The following MALRD1 variants were observed in gnomAD, a reference collection of about 807,000 sequenced individuals.
MALRD1 encodes the protein MAM and LDL receptor class A domain containing 1.
In MALRD1, 247 loss-of-function variants were observed where a neutral mutation model predicts 242.1. That is an observed-to-expected ratio of 1.02 (90% CI 0.92 to 1.13). The LOEUF (loss-of-function observed/expected upper bound fraction) is 1.13, where lower values mean the gene tolerates loss of function less well. MALRD1 is among the 50% of genes most tolerant of loss of function. MALRD1 has a pLI of 0.00. For synonymous variants in MALRD1, 995 were observed against 866.6 expected (o/e 1.15, Z -2.60); for missense variants, 2,989 against 2,533.1 (o/e 1.18, Z -3.86).
intron 29 of MALRD1, among the ~76,000 whole-genome samples, chr10:19,462,267 A>G (rs375042883): frequency 6.6e-6 from 1 of 152,214 alleles, no homozygotes; most frequent in East Asian, 1.9e-4. Context: ...AAGCCGTCAC[A>G]CTCAGAGCCA....
chr10:19,292,109 T>C (rs940690521), intron 21 of MALRD1, among the ~76,000 whole-genome samples: 4 of 148,032 alleles, frequency 2.7e-5, no homozygotes, highest in Admixed American at 2.1e-4. Flanking sequence ...AAAATCAAAT[T>C]TGTGTGTCCT....
chr10:19,063,451 C>A (rs1834881347), intron 1 of MALRD1, among the ~76,000 whole-genome samples: 1 of 152,114 alleles, frequency 6.6e-6, no homozygotes, highest in African/African-American at 2.4e-5. Context: ...AGTTTCTTCA[C>A]CATTACTACA....
intron 14 of MALRD1, among the ~76,000 whole-genome samples, chr10:19,195,140 C>A (rs1439661979): frequency 6.6e-6 from 1 of 152,150 alleles, no homozygotes; most frequent in Admixed American, 6.6e-5. Flanking sequence ...AAGCAGCGTA[C>A]ATAGTGTTCA....
intron 21 of MALRD1, among the ~76,000 whole-genome samples, chr10:19,318,598 A>T (rs1588902489): frequency 6.6e-6 from 1 of 151,390 alleles, no homozygotes; most frequent in East Asian, 2.0e-4. Flanking sequence ...ATATGCTTTT[A>T]TCATTTCTAG....
At chr10:19,691,260 TAAAG>T (rs999809994) in intron 36 of MALRD1, among the ~76,000 whole-genome samples, 2 of 152,148 alleles carry the variant, frequency 1.3e-5, no homozygotes, top group African/African-American at 4.8e-5. Flanking sequence ...TAATATTTGC[TAAAG>T]AAAGAAAGGC....
chr10:19,063,320 C>G (rs887573466), intron 1 of MALRD1, among the ~76,000 whole-genome samples: 1 of 152,122 alleles, frequency 6.6e-6, no homozygotes, highest in Non-Finnish European at 1.5e-5. Context: ...TCTATCTCAT[C>G]TCTTCCCTTG....
chr10:19,704,148 A>C (rs1833751277), intron 38 of MALRD1, among the ~76,000 whole-genome samples: 1 of 152,168 alleles, frequency 6.6e-6, no homozygotes, highest in African/African-American at 2.4e-5. Flanking sequence ...AGCTATGCTG[A>C]GAAATAACAT....
At chr10:19,720,438 T>C (rs1185238690) in intron 38 of MALRD1, among the ~76,000 whole-genome samples, 1 of 152,258 alleles carries the variant, frequency 6.6e-6, no homozygotes, top group African/African-American at 2.4e-5. Context: ...CTTTATCTCC[T>C]GAGTTAGAGA....
Position 19,323,953 on chromosome 10 carries a change from A to G in MALRD1, c.3424A>G (p.Thr1142Ala), listed in dbSNP as rs1482206867. The change falls in exon 22 of 40, where the codon ACC becomes GCC. Residue 1142 changes from threonine (T) to alanine (A), a missense_variant. Coordinates refer to ENST00000454679, the MANE Select transcript of MALRD1 (RefSeq NM_001142308.3). Reference sequence around the variant, plus strand: ...TATGATAAATTCCTTTTCCAGAAATACCACTGATGGCTGGTACCTGTATGC... The same window carrying G: ...TATGATAAATTCCTTTTCCAGAAATGCCACTGATGGCTGGTACCTGTATGC... Reference protein sequence around the residue: ...HRPSVDHTQNTTDGWYLYADS... With the variant: ...HRPSVDHTQNATDGWYLYADS... 1.3e-6 allele frequency: 2 copies of G among 1,550,506 alleles called. No individual in the cohort carries two copies. The highest frequency in any genetic ancestry group is 2.7e-5 in the African/African-American group (2 of 73,022).
Position 19,607,773 on chromosome 10 carries a change from G to A in MALRD1, c.5945-4G>A, listed in dbSNP as rs1249078941. The A allele has an allele frequency of 2.0e-5, 31 of 1,514,816 alleles. No homozygotes were observed. In the East Asian group the frequency reaches 7.7e-4, roughly 38 times the overall value. 93.8% of individuals were successfully genotyped at this position (1,514,816 alleles called of 1,614,324 possible). ...CCCTGATCATTATTCTTTTTTTTTT[G>A]CAGCCAACAAAAGCTGTTCTAATGG... is the stretch of plus-strand genomic sequence containing the variant. On this transcript the variant is annotated splice_polypyrimidine_tract_variant and splice_region_variant and intron_variant, in intron 34 of 39. Transcript: ENST00000454679.
intron 36 of MALRD1, among the ~76,000 whole-genome samples, chr10:19,643,227 T>A (rs1225357033): frequency 6.6e-6 from 1 of 151,848 alleles, no homozygotes; most frequent in Non-Finnish European, 1.5e-5. Context: ...AGGTCGGGAG[T>A]TCGTGACCAG....
intron 21 of MALRD1, among the ~76,000 whole-genome samples, chr10:19,301,783 A>G (rs1246087628): frequency 6.6e-6 from 1 of 151,720 alleles, no homozygotes; most frequent in Non-Finnish European, 1.5e-5. Context: ...ATCTGATGAC[A>G]AAATAATTTG....
At chr10:19,185,341 T>C (rs1166491968) in intron 14 of MALRD1, among the ~76,000 whole-genome samples, 7 of 152,146 alleles carry the variant, frequency 4.6e-5, no homozygotes, top group Non-Finnish European at 1.5e-5. Flanking sequence ...AAAACCTATT[T>C]AGTCCAAAGT....
intron 24 of MALRD1, among the ~76,000 whole-genome samples, chr10:19,337,451 A>G (rs1056138864): frequency 6.6e-6 from 1 of 152,134 alleles, no homozygotes; most frequent in Non-Finnish European, 1.5e-5. Flanking sequence ...CCTAGGGAGT[A>G]TGAAGTGTAA....
At chr10:19,306,033 T>C (rs1194928153) in intron 21 of MALRD1, among the ~76,000 whole-genome samples, 1 of 107,950 alleles carries the variant, frequency 9.3e-6, no homozygotes, top group Non-Finnish European at 1.8e-5. Flanking sequence ...TACTATACTA[T>C]ATATTATATA....
intron 31 of MALRD1, among the ~76,000 whole-genome samples, chr10:19,525,454 C>T (rs1278732604): frequency 6.6e-6 from 1 of 152,086 alleles, no homozygotes; most frequent in African/African-American, 2.4e-5. Flanking sequence ...TATTAAGTAA[C>T]TGTTGTGATT....
intron 32 of MALRD1, among the ~76,000 whole-genome samples, chr10:19,537,305 C>G (rs1343056097): frequency 6.6e-6 from 1 of 152,118 alleles, no homozygotes; most frequent in Non-Finnish European, 1.5e-5. Flanking sequence ...GAAAATGAAA[C>G]TTGATATCTT....
At chr10:19,284,406 C>T (rs1840998991) in intron 21 of MALRD1, among the ~76,000 whole-genome samples, 1 of 120,522 alleles carries the variant, frequency 8.3e-6, no homozygotes, top group Non-Finnish European at 1.7e-5. Context: ...CCCCCCTCCC[C>T]CCACCCCACC....
chr10:19,221,883 G>A (rs1211606773), intron 18 of MALRD1, among the ~76,000 whole-genome samples: 1 of 151,078 alleles, frequency 6.6e-6, no homozygotes, highest in Non-Finnish European at 1.5e-5. Flanking sequence ...AAGGCAGGAA[G>A]GAAAGAAGGA....
Sources: allele counts gnomAD v4.1 joint callset (sites outside exome capture counted in the v4.1 genomes callset), GRCh38; gene constraint gnomAD v4.1.1; transcripts MANE v1.5; gene names NCBI Gene and HGNC (gene_info 2026-07-23, HGNC 2026-07-21).